CACNB2: variants seen among roughly 807,000 people sequenced by gnomAD.
CACNB2 encodes the protein voltage-dependent L-type calcium channel subunit beta-2.
CACNB2 carries 42 observed loss-of-function variants against 73.3 expected under a neutral mutation model. The ratio of observed to expected loss-of-function variants is 0.57; its 90% CI spans 0.45 to 0.74. The LOEUF (loss-of-function observed/expected upper bound fraction) is 0.74. Ranked by LOEUF, CACNB2 falls within the 30% of genes least tolerant of loss-of-function variation. CACNB2 has a pLI of 0.00. For synonymous variants in CACNB2, 348 were observed against 310.3 expected, an observed-to-expected ratio of 1.12 and a Z score of -1.28; for missense variants, 940 against 853.0, an observed-to-expected ratio of 1.10 and a Z score of -1.27.
At chr10:18,374,732 T>G (rs2042723578) in intron 2 of CACNB2, among the ~76,000 whole-genome samples, 2 of 152,156 alleles carry the variant, frequency 1.3e-5, no homozygotes, top group Admixed American at 1.3e-4. Context: ...AACAGCAGAA[T>G]CACAATGTAG....
At chr10:18,404,137 G>A (rs1407119769) in intron 3 of CACNB2, among the ~76,000 whole-genome samples, 1 of 151,898 alleles carries the variant, frequency 6.6e-6, no homozygotes, top group Non-Finnish European at 1.5e-5. Flanking sequence ...TTAAAAAATA[G>A]TTTATTTATA....
Position 18,373,135 on chromosome 10 carries a change from A to G in CACNB2, c.214-28789A>G, listed in dbSNP as rs2042657782. Reference sequence around the variant, plus strand: ...CCAGCCCCATATTTCCCTAAAGACTAGCAGAACTCACCTCAGGCTGCACTG... The same window carrying G: ...CCAGCCCCATATTTCCCTAAAGACTGGCAGAACTCACCTCAGGCTGCACTG... On this transcript the variant is annotated intron_variant, in intron 2 of 13. Transcript: ENST00000324631. 2.0e-5 allele frequency among the ~76,000 whole-genome samples: 3 copies of G among 152,102 alleles called. No homozygotes were observed. In the South Asian group the frequency reaches 6.2e-4, roughly 32 times the overall value.
intron 3 of CACNB2, among the ~76,000 whole-genome samples, chr10:18,444,422 C>G (rs2046633190): frequency 1.3e-5 from 2 of 152,208 alleles, no homozygotes; most frequent in Non-Finnish European, 2.9e-5. Context: ...GTTTATTTAA[C>G]AAATATTTAT....
At position 18,340,748 on chromosome 10, in the gene CACNB2, C is replaced by G; in HGVS notation, c.214-61176C>G. 6.7e-6 allele frequency: 10 copies of G among 1,502,432 alleles called. No homozygotes were observed. The South Asian group carries it at 9.4e-5, about 14-fold the overall frequency. 93.1% of individuals were successfully genotyped at this position (1,502,432 alleles called of 1,614,324 possible). A position where few individuals can be genotyped will look rare whatever the true frequency, so the allele number is the denominator to read the frequency against. On this transcript the variant is annotated intron_variant, in intron 2 of 13. Coordinates refer to ENST00000324631, the MANE Select transcript of CACNB2 (RefSeq NM_201596.3). ...GGAACAGAGAGCTGTTGTGATCCGA[C>G]GAACTTTAGAAAGTCACACTAACTA... is the stretch of plus-strand genomic sequence containing the variant.
intron 3 of CACNB2, among the ~76,000 whole-genome samples, chr10:18,416,672 G>A (rs1220624721): frequency 2.0e-5 from 3 of 152,170 alleles, no homozygotes; most frequent in East Asian, 1.9e-4. Context: ...ACAGCCTCCC[G>A]AAGTTTTCTT....
At chr10:18,242,991 CAGAGCA>C (rs1472596631) in intron 2 of CACNB2, among the ~76,000 whole-genome samples, 1 of 125,056 alleles carries the variant, frequency 8.0e-6, no homozygotes, top group African/African-American at 3.2e-5. Flanking sequence ...GCCTGGGCGA[CAGAGCA>C]AGACTGTCTC....
At chr10:18,538,142 GC>G in intron 12 of CACNB2, 37 bp from the exon 13 acceptor site, 1 of 1,608,652 alleles carries the variant, frequency 6.2e-7, no homozygotes, top group Non-Finnish European at 8.5e-7. Context: ...TGAAAACTGG[GC>G]TGGCATCAAT....
At chr10:18,329,858 G>A (rs1044117285) in intron 2 of CACNB2, among the ~76,000 whole-genome samples, 3 of 152,162 alleles carry the variant, frequency 2.0e-5, no homozygotes, top group African/African-American at 4.8e-5. Context: ...TCTTTTTTGA[G>A]ATGGAGTCTC....
intron 2 of CACNB2, among the ~76,000 whole-genome samples, chr10:18,338,674 T>TCTC (rs1419655035): frequency 1.9e-5 from 2 of 106,410 alleles, no homozygotes; most frequent in South Asian, 3.1e-4. Flanking sequence ...TTTTTTTCTC[T>TCTC]CTCCTTCCTT....
chr10:18,288,431 T>C (rs79489737), intron 2 of CACNB2, among the ~76,000 whole-genome samples: 5,290 of 152,296 alleles, frequency 0.035, 131 homozygotes, highest in East Asian at 0.095. Flanking sequence ...AAAGTACAAA[T>C]AAGTAATCTC....
At chr10:18,376,426 C>T (rs1199977322) in intron 2 of CACNB2, among the ~76,000 whole-genome samples, 5 of 152,094 alleles carry the variant, frequency 3.3e-5, no homozygotes, top group South Asian at 2.1e-4. Context: ...GAATGAATAA[C>T]ACCTAGTCTT....
intron 3 of CACNB2, among the ~76,000 whole-genome samples, chr10:18,404,492 C>T (rs1014806479): frequency 3.3e-5 from 5 of 152,144 alleles, no homozygotes; most frequent in African/African-American, 1.2e-4. Flanking sequence ...TGCTATTTAA[C>T]TTTAAATAGT....
intron 2 of CACNB2, among the ~76,000 whole-genome samples, chr10:18,350,638 C>T (rs1254041440): frequency 6.6e-6 from 1 of 152,194 alleles, no homozygotes; most frequent in African/African-American, 2.4e-5. Flanking sequence ...TGAGATTGCC[C>T]ATCAGCCCTC....
intron 10 of CACNB2, among the ~76,000 whole-genome samples, chr10:18,533,663 C>G (rs2053281917): frequency 6.6e-6 from 1 of 152,160 alleles, no homozygotes; most frequent in African/African-American, 2.4e-5. Context: ...AAACATAGAT[C>G]AGCCCGTGCA....
chr10:18,459,946 C>T (rs548880076), intron 3 of CACNB2, among the ~76,000 whole-genome samples: 4 of 152,166 alleles, frequency 2.6e-5, no homozygotes, highest in Admixed American at 2.0e-4. Context: ...TGCAGTGAGC[C>T]GAGATCGCAC....
intron 2 of CACNB2, chr10:18,341,039 A>G (rs2041214182): frequency 2.6e-6 from 4 of 1,521,618 alleles, no homozygotes; most frequent in African/African-American, 1.4e-5. Flanking sequence ...ACAGGAATGC[A>G]TAGAACTGTT....
chr10:18,289,153 T>A (rs1034791134), intron 2 of CACNB2, among the ~76,000 whole-genome samples: 1 of 152,178 alleles, frequency 6.6e-6, no homozygotes, highest in African/African-American at 2.4e-5. Flanking sequence ...ACTTTAGTTG[T>A]AATATCAAGT....
intron 6 of CACNB2, among the ~76,000 whole-genome samples, chr10:18,507,162 C>G (rs1433387231): frequency 6.6e-6 from 1 of 152,152 alleles, no homozygotes; most frequent in Non-Finnish European, 1.5e-5. Flanking sequence ...TGGGTGAATA[C>G]TTGCCAACAA....
intron 2 of CACNB2, among the ~76,000 whole-genome samples, chr10:18,310,337 G>A (rs1341101410): frequency 6.6e-6 from 1 of 151,946 alleles, no homozygotes; most frequent in African/African-American, 2.4e-5. Context: ...TGGGCGTGGT[G>A]GCTCACGCCC....
Sources: allele counts gnomAD v4.1 joint callset (sites outside exome capture counted in the v4.1 genomes callset), GRCh38; gene constraint gnomAD v4.1.1; transcripts MANE v1.5; gene names NCBI Gene and HGNC (gene_info 2026-07-23, HGNC 2026-07-21).